The following TBC1D14 variants were observed in gnomAD, a reference collection of about 807,000 sequenced individuals.
TBC1D14 encodes TBC1 domain family, member 14.
In TBC1D14, 26 loss-of-function variants were observed where a neutral mutation model predicts 79.0. That is an observed-to-expected ratio of 0.33 (90% CI 0.24 to 0.46). The LOEUF is 0.46. Among genes scored for constraint, TBC1D14 ranks in the 20% least tolerant of loss-of-function variants. TBC1D14 has a pLI of 1.00. For missense variants in TBC1D14, 769 were observed against 887.6 expected (o/e 0.87, Z 1.70); for synonymous variants, 394 against 349.9 (o/e 1.13, Z -1.40).
chr4:6,965,998 C>T (rs1715668530), intron 2 of TBC1D14, among the ~76,000 whole-genome samples: 1 of 152,348 alleles, frequency 6.6e-6, no homozygotes. Context: ...CATTTCCTAG[C>T]TCCATTGGTC....
In TBC1D14 at chr4:7,032,883, A is replaced by C. The variant is rs1490645950; in HGVS notation, c.*2491A>C. On this transcript the variant is annotated 3_prime_UTR_variant, in exon 14 of 14. Transcript: ENST00000409757. ...AGTGAGGCTGCCTCTCCCGCCAGGC[A>C]TTGGGATCCCATTTAGAAACGGCAT... The C allele has an allele frequency of 6.6e-6, 1 of 152,324 alleles. No homozygotes were observed. The highest frequency in any genetic ancestry group is 2.4e-5 in the African/African-American group (1 of 41,444). The allele number at this position is 152,324 out of a possible 1,614,324, so 9.4% of individuals were successfully genotyped here.
At chr4:7,021,180 GA>G (rs1429422186) in intron 12 of TBC1D14, among the ~76,000 whole-genome samples, 2 of 152,248 alleles carry the variant, frequency 1.3e-5, no homozygotes, top group Admixed American at 1.3e-4. Flanking sequence ...TGGAAGTTGT[GA>G]AGACACATCA....
chr4:6,996,437 T>G, intron 5 of TBC1D14, 30 bp downstream of exon 5: 1 of 1,537,176 alleles, frequency 6.5e-7, no homozygotes, highest in Non-Finnish European at 9.0e-7. Context: ...ATGGGTTAAA[T>G]CAGGCAGCAC....
At chr4:6,963,015 C>A (rs1319526462) in intron 2 of TBC1D14, among the ~76,000 whole-genome samples, 6 of 152,186 alleles carry the variant, frequency 3.9e-5, no homozygotes, top group Non-Finnish European at 8.8e-5. Flanking sequence ...GAGACCCCAC[C>A]GAAGGTGAAG....
chr4:6,958,986 C>G (rs1437862453), intron 2 of TBC1D14, among the ~76,000 whole-genome samples: 1 of 152,064 alleles, frequency 6.6e-6, no homozygotes, highest in Non-Finnish European at 1.5e-5. Context: ...CGGGTTCACG[C>G]CATTCTCCTG....
chr4:6,919,755 G>A (rs1258272161), intron 1 of TBC1D14, among the ~76,000 whole-genome samples: 1 of 152,058 alleles, frequency 6.6e-6, no homozygotes. Flanking sequence ...TGAGTAGCTA[G>A]GATTACAGGC....
At chr4:6,932,890 G>T (rs999037197) in intron 2 of TBC1D14, among the ~76,000 whole-genome samples, 1 of 152,302 alleles carries the variant, frequency 6.6e-6, no homozygotes, top group African/African-American at 2.4e-5. Context: ...TCATGGTGTG[G>T]CTGGGTTCCC....
At chr4:6,955,234 G>A (rs746200823) in intron 2 of TBC1D14, among the ~76,000 whole-genome samples, 1 of 152,222 alleles carries the variant, frequency 6.6e-6, no homozygotes. Flanking sequence ...TCAGTTTTTG[G>A]GGGGTGGAGA....
At chr4:6,921,927 C>T (rs1363456476) in intron 1 of TBC1D14, among the ~76,000 whole-genome samples, 2 of 152,062 alleles carry the variant, frequency 1.3e-5, no homozygotes, top group African/African-American at 2.4e-5. Flanking sequence ...AAACTGCTGA[C>T]CTCTCGACCT....
rs529020444 is a variant in TBC1D14 at position 6,958,374 on chromosome 4, T to TAC, written c.723-8929_723-8928insCA. Among the ~76,000 whole-genome samples the TAC allele has an allele frequency of 1.5e-3, 63 of 42,252 alleles. 1 individual carries two copies. The highest frequency in any genetic ancestry group is 0.01 in the Middle Eastern group (1 of 96). 27.7% of individuals were successfully genotyped at this position (42,252 alleles called of 152,430 possible). On this transcript the variant is annotated intron_variant, in intron 2 of 13. Transcript: ENST00000409757. ...AAGGGTGATACACGTGATCCCCACA[T>TAC]ATACACACACACACACACACACACA... is the stretch of plus-strand genomic sequence containing the variant.
chr4:7,002,755 C>T (rs1719799736), intron 7 of TBC1D14, among the ~76,000 whole-genome samples: 1 of 152,192 alleles, frequency 6.6e-6, no homozygotes, highest in African/African-American at 2.4e-5. Flanking sequence ...CTTACTGGGT[C>T]CTGCTTAATC....
intron 5 of TBC1D14, among the ~76,000 whole-genome samples, chr4:6,997,625 CA>C (rs1192612664): frequency 6.6e-4 from 98 of 149,566 alleles, no homozygotes; most frequent in African/African-American, 2.0e-3. Flanking sequence ...GACTCCATCT[CA>C]AAAAAAAATA....
At chr4:6,910,328 C>T (rs931002986) in intron 1 of TBC1D14, 3 of 152,426 alleles carry the variant, frequency 2.0e-5, no homozygotes, top group African/African-American at 7.2e-5. Context: ...CCCGGAGCCC[C>T]CTTCCACCTC....
intron 2 of TBC1D14, among the ~76,000 whole-genome samples, chr4:6,943,368 G>A (rs538939726): frequency 6.6e-6 from 1 of 152,176 alleles, no homozygotes; most frequent in Non-Finnish European, 1.5e-5. Flanking sequence ...AGAATTAAAT[G>A]CCTGAAACCG....
intron 12 of TBC1D14, among the ~76,000 whole-genome samples, chr4:7,017,889 G>A (rs1259393563): frequency 6.6e-6 from 1 of 152,230 alleles, no homozygotes; most frequent in Non-Finnish European, 1.5e-5. Context: ...CAGGCTCCTT[G>A]TTGGGTGCTG....
At chr4:6,968,444 A>G (rs755489807) in intron 3 of TBC1D14, among the ~76,000 whole-genome samples, 22 of 152,232 alleles carry the variant, frequency 1.4e-4, no homozygotes, top group Non-Finnish European at 2.1e-4. Flanking sequence ...AAAACTCGCA[A>G]CAACCTTGTG....
chr4:7,011,002 G>A (rs3857172), intron 11 of TBC1D14, among the ~76,000 whole-genome samples: 43,095 of 152,008 alleles, frequency 0.28, 6,289 homozygotes, highest in East Asian at 0.36. Flanking sequence ...TTCTTAATAC[G>A]TTCTCTCAGA....
At chr4:6,987,270 G>T in intron 3 of TBC1D14, 1 of 1,293,380 alleles carries the variant, frequency 7.7e-7, no homozygotes, top group Non-Finnish European at 9.8e-7. Context: ...CGCGGTCCGG[G>T]AGGGAGGGAG....
chr4:6,932,942 G>A (rs2108950899), intron 2 of TBC1D14, among the ~76,000 whole-genome samples: 1 of 152,230 alleles, frequency 6.6e-6, no homozygotes, highest in South Asian at 2.1e-4. Flanking sequence ...TGGCGGCTGT[G>A]TCCCCGTCCC....
Sources: gnomAD v4.1 joint callset for allele counts (sites outside exome capture counted in the v4.1 genomes callset) on GRCh38, gnomAD v4.1.1 for gene constraint, MANE v1.5 for transcripts, NCBI Gene and HGNC (gene_info 2026-07-23, HGNC 2026-07-21) for gene names.